Variants in ADAM7 observed in about 807,000 individuals in gnomAD.
ADAM7 encodes ADAM metallopeptidase domain 7, also known as disintegrin and metalloproteinase domain-containing protein 7.
Under a neutral mutation model 102.9 loss-of-function variants are expected in ADAM7, and 97 were observed. That is an observed-to-expected ratio of 0.94 (90% CI 0.80 to 1.12). The LOEUF is 1.12. Among genes scored for constraint, ADAM7 ranks in the 50% most tolerant of loss-of-function variants. The pLI, the probability that ADAM7 is intolerant of heterozygous loss-of-function variation, is 0.00. For synonymous variants in ADAM7, 334 were observed against 304.4 expected (o/e 1.10, Z -1.01); for missense variants, 991 against 908.7 (o/e 1.09, Z -1.16).
In ADAM7 at chr8:24,462,534, C is replaced by T. The variant is rs553977532; in HGVS notation, c.234-1348C>T. ...TCACCTCTCATGCTGTGCCTTCTCCCCTGAGCCTCCTTCCCTTTCCCAAAG... is the reference window on the plus strand; with the variant it reads ...TCACCTCTCATGCTGTGCCTTCTCCTCTGAGCCTCCTTCCCTTTCCCAAAG... On this transcript the variant is annotated intron_variant, in intron 3 of 21. Transcript: ENST00000175238. Among the ~76,000 whole-genome samples, 9 of 152,284 alleles carry T rather than the reference C, an allele frequency of 5.9e-5. No homozygotes were observed. The East Asian group carries it at 1.7e-3, about 29-fold the overall frequency.
At chr8:24,506,757 A>G (rs1031434286) in intron 20 of ADAM7, among the ~76,000 whole-genome samples, 3 of 112,172 alleles carry the variant, frequency 2.7e-5, no homozygotes, top group Admixed American at 8.0e-5. Context: ...GTCAAAGCAC[A>G]CACACACACA....
Position 24,485,357 on chromosome 8 carries a change from T to G in ADAM7, c.956T>G (p.Ile319Ser). 6.2e-7 allele frequency: 1 copy of G among 1,612,966 alleles called. No homozygotes were observed. Among genetic ancestry groups the G allele is most frequent in the Non-Finnish European group, 8.5e-7 (1 of 1,179,382 alleles). The change falls in exon 10 of 22, where the codon ATT becomes AGT. Residue 319 changes from isoleucine (I) to serine (S), a missense_variant. Physicochemically the swap from Ile to Ser is moderately radical, Grantham distance 142. Coordinates refer to ENST00000175238, the MANE Select transcript of ADAM7 (RefSeq NM_003817.4). ...MCLPYYSTSI[I>S]KDLLPDTNII... Reference sequence around the variant, plus strand: ...CTGCCCTATTATTCCACCAGTATCATTAAGGTGGGCTGTGTTTTATTTATA... The same window carrying G: ...CTGCCCTATTATTCCACCAGTATCAGTAAGGTGGGCTGTGTTTTATTTATA...
chr8:24,449,150 T>C (rs752283005), intron 3 of ADAM7, among the ~76,000 whole-genome samples: 1 of 152,228 alleles, frequency 6.6e-6, no homozygotes, highest in Non-Finnish European at 1.5e-5. Context: ...TGATTTATAG[T>C]CCTTTGGGTA....
Position 24,489,333 on chromosome 8 carries a change from G to A in ADAM7, c.1266G>A (p.Gln422=). 6.2e-7 allele frequency: 1 copy of A among 1,602,514 alleles called. No individual in the cohort carries two copies. The highest frequency in any genetic ancestry group is 1.1e-5 in the South Asian group (1 of 88,846). Residue 422 remains glutamine, a splice_region_variant and synonymous_variant, in exon 12 of 22, where the codon CAG becomes CAA. Coordinates refer to ENST00000175238, the MANE Select transcript of ADAM7 (RefSeq NM_003817.4). Reference sequence around the variant, plus strand: ...AAGAGTGTGACTGTGGCCCTGCTCAGGTATTTGCAAATGAAGCTATCTTTA... The same window carrying A: ...AAGAGTGTGACTGTGGCCCTGCTCAAGTATTTGCAAATGAAGCTATCTTTA... ...EGEECDCGPA[Q]ECTNPCCDAH... is the part of the protein sequence containing the mutation.
In ADAM7 at chr8:24,482,210, A is replaced by G. The variant is rs768395546; in HGVS notation, c.774A>G (p.Ile258Met). Residue 258 changes from isoleucine (I) to methionine (M), a missense_variant, in exon 9 of 22, where the codon ATA becomes ATG. Ile to Met is a conservative substitution (Grantham distance 10). Transcript: ENST00000175238. ...GIEIWTHEDKIELYSNIETTL... is the reference protein window; with the variant it reads ...GIEIWTHEDKMELYSNIETTL... ...AAATATGGACACATGAAGATAAAAT[A>G]GAACTATATTCAAATATAGAAACTA... 1.1e-5 allele frequency: 18 copies of G among 1,608,480 alleles called. No homozygotes were observed. The Admixed American group carries it at 1.5e-4, about 14-fold the overall frequency.
At chr8:24,447,464 C>T (rs13282680) in intron 3 of ADAM7, among the ~76,000 whole-genome samples, 99,009 of 151,968 alleles carry the variant, frequency 0.65, 32,741 homozygotes, top group Middle Eastern at 0.7. Flanking sequence ...ACTGTTCTCC[C>T]GTTCCTAAAT....
At chr8:24,490,015 G>T (rs1820286237) in intron 12 of ADAM7, among the ~76,000 whole-genome samples, 1 of 152,150 alleles carries the variant, frequency 6.6e-6, no homozygotes, top group Admixed American at 6.5e-5. Flanking sequence ...GTGGTTCTGA[G>T]ATTCTGTACA....
At chr8:24,501,962 C>T (rs1357012911) in intron 20 of ADAM7, among the ~76,000 whole-genome samples, 2 of 152,078 alleles carry the variant, frequency 1.3e-5, no homozygotes, top group Non-Finnish European at 2.9e-5. Flanking sequence ...GAGGCCGAGA[C>T]AGGCAGATCA....
chr8:24,492,668 C>T (rs1820404927), intron 15 of ADAM7, 71 bp downstream of exon 15: 17 of 1,105,104 alleles, frequency 1.5e-5, no homozygotes, highest in Non-Finnish European at 2.3e-5. Flanking sequence ...TGGCTCCTGT[C>T]CCCAGACCTG....
intron 9 of ADAM7, among the ~76,000 whole-genome samples, chr8:24,484,438 A>G (rs1371532103): frequency 6.6e-6 from 1 of 152,182 alleles, no homozygotes; most frequent in Non-Finnish European, 1.5e-5. Flanking sequence ...TAATATAAAT[A>G]TCTACATTTG....
At chr8:24,441,276 G>T in intron 1 of ADAM7, 116 bp downstream of exon 1, 1 of 1,000,972 alleles carries the variant, frequency 1.0e-6, no homozygotes. Flanking sequence ...ATTTTTCTGA[G>T]AGCTTCGACT....
chr8:24,465,521 C>T (rs1208806406), intron 4 of ADAM7, among the ~76,000 whole-genome samples, 178 bp from the exon 5 acceptor site: 1 of 152,168 alleles, frequency 6.6e-6, no homozygotes, highest in Non-Finnish European at 1.5e-5. Flanking sequence ...TAAAATGTCT[C>T]TGAAGCAGGC....
At chr8:24,500,076 G>A in intron 17 of ADAM7, 102 bp from the exon 18 acceptor site, 1 of 909,054 alleles carries the variant, frequency 1.1e-6, no homozygotes, top group Non-Finnish European at 1.6e-6. Flanking sequence ...GCTTGTGCTT[G>A]TGTGCATGTA....
chr8:24,476,035 G>A (rs1235312353), intron 7 of ADAM7: 4 of 446,254 alleles, frequency 9.0e-6, no homozygotes, highest in African/African-American at 2.0e-5. Context: ...GGACACAGAA[G>A]GACTAATAAA....
intron 3 of ADAM7, among the ~76,000 whole-genome samples, chr8:24,450,490 A>G (rs1332717240): frequency 3.3e-5 from 5 of 151,532 alleles, no homozygotes; most frequent in Non-Finnish European, 5.9e-5. Flanking sequence ...TGATTTTTGT[A>G]CATTGATTTT....
At chr8:24,472,039 A>T (rs1819621803) in intron 7 of ADAM7, among the ~76,000 whole-genome samples, 1 of 151,646 alleles carries the variant, frequency 6.6e-6, no homozygotes, top group Admixed American at 6.6e-5. Flanking sequence ...GTTATTTGAG[A>T]TAAATTGGGG....
rs574328370 is a variant in ADAM7 at position 24,504,246 on chromosome 8, G to A, written c.2208+2670G>A. 2.0e-5 allele frequency among the ~76,000 whole-genome samples: 3 copies of A among 151,738 alleles called. No individual in the cohort carries two copies. The South Asian group carries it at 6.3e-4, about 32-fold the overall frequency. On this transcript the variant is annotated intron_variant, in intron 20 of 21. Transcript: ENST00000175238. ...CCAAACATAATGGTGCACACCTGTAGTCCCTAGCTACACGGGAGACTGAGG... is the reference window on the plus strand; with the variant it reads ...CCAAACATAATGGTGCACACCTGTAATCCCTAGCTACACGGGAGACTGAGG...
intron 9 of ADAM7, 119 bp downstream of exon 9, chr8:24,482,430 AC>A (rs1819986366): frequency 1.0e-6 from 1 of 982,628 alleles, no homozygotes; most frequent in Admixed American, 2.6e-5. Flanking sequence ...GCACACAGGG[AC>A]AAAATGTTAT....
chr8:24,484,099 T>A (rs534877921), intron 9 of ADAM7, among the ~76,000 whole-genome samples: 2 of 152,328 alleles, frequency 1.3e-5, no homozygotes, highest in African/African-American at 4.8e-5. Context: ...CACTCAAGAT[T>A]ATTCTTGTCC....
Sources: gnomAD v4.1 joint callset for allele counts (sites outside exome capture counted in the v4.1 genomes callset) on GRCh38, gnomAD v4.1.1 for gene constraint, MANE v1.5 for transcripts, NCBI Gene and HGNC (gene_info 2026-07-23, HGNC 2026-07-21) for gene names.